Variants in NUDT4 observed in about 807,000 individuals in gnomAD.
NUDT4 encodes nudix hydrolase 4.
In NUDT4, 5 loss-of-function variants were observed where a neutral mutation model predicts 23.1. That is an observed-to-expected ratio of 0.22 (90% CI 0.11 to 0.46). The LOEUF (loss-of-function observed/expected upper bound fraction) is 0.46. NUDT4 is among the 20% of genes least tolerant of loss of function. The pLI is 0.99. For synonymous variants in NUDT4, 50 were observed against 79.0 expected (o/e 0.63, Z 1.95); for missense variants, 96 against 211.6 (o/e 0.45, Z 3.39).
In NUDT4 at chr12:93,383,827, G is replaced by A. The variant is rs571037602; in HGVS notation, c.99+5406G>A. Among the ~76,000 whole-genome samples the A allele has an allele frequency of 7.9e-5, 12 of 152,232 alleles. No individual in the cohort carries two copies. The East Asian group carries it at 1.2e-3, about 15-fold the overall frequency. ...AGCCTGGGCGACAGAGCGAGACAGC[G>A]TCTCAGAAACAGCAACAACAACAAA... On this transcript the variant is annotated intron_variant, in intron 1 of 4. Transcript: ENST00000415493.
At chr12:93,399,114 T>A in intron 4 of NUDT4, 63 bp from the exon 5 acceptor site, 1 of 1,220,246 alleles carries the variant, frequency 8.2e-7, no homozygotes, top group Non-Finnish European at 1.2e-6. Context: ...TAAGTGGACA[T>A]TACTTATATG....
At position 93,407,652 on chromosome 12, in the gene NUDT4, C is replaced by A. The variant is rs12816436; in HGVS notation, c.*8273C>A. 1.3e-4 allele frequency: 20 copies of A among 152,188 alleles called. No individual in the cohort carries two copies. Among genetic ancestry groups the A allele is most frequent in the African/African-American group, 4.6e-4 (19 of 41,504 alleles). The allele number at this position is 152,188 out of a possible 1,614,324, so 9.4% of individuals were successfully genotyped here. On this transcript the variant is annotated 3_prime_UTR_variant, in exon 5 of 5. Coordinates refer to ENST00000415493, the MANE Select transcript of NUDT4 (RefSeq NM_019094.6). ...ATCTTCAGATCATTCAAAAGTTACC[C>A]GAATTCTGGATTTTCATGCAAATCT...
At chr12:93,390,398 G>T (rs985427659) in intron 1 of NUDT4, among the ~76,000 whole-genome samples, 1 of 152,184 alleles carries the variant, frequency 6.6e-6, no homozygotes, top group African/African-American at 2.4e-5. Flanking sequence ...TGCCAGTCTT[G>T]ATAGAGGGCC....
rs964057364 is a variant in NUDT4 at position 93,405,944 on chromosome 12, A to G, written c.*6565A>G. 2 of 152,156 alleles carry G rather than the reference A, an allele frequency of 1.3e-5. No individual in the cohort carries two copies. The highest frequency in any genetic ancestry group is 4.8e-5 in the African/African-American group (2 of 41,442). 9.4% of individuals were successfully genotyped at this position (152,156 alleles called of 1,614,324 possible). A position where few individuals can be genotyped will look rare whatever the true frequency, so the allele number is the denominator to read the frequency against. ...TCTTTTTTGGCCAGCTTTTCTAGAT[A>G]AGGTTGTATTGCTACTGCAACTAAC... is the stretch of plus-strand genomic sequence containing the variant. On this transcript the variant is annotated 3_prime_UTR_variant, in exon 5 of 5. Transcript: ENST00000415493.
intron 1 of NUDT4, among the ~76,000 whole-genome samples, chr12:93,386,937 T>TTAG (rs199588354): frequency 0.019 from 2,837 of 152,144 alleles, 41 homozygotes; most frequent in Middle Eastern, 0.051. Flanking sequence ...TGATTTTTTT[T>TTAG]TATTATTATT....
chr12:93,404,326 A>T lies in NUDT4; in HGVS notation c.*4947A>T, dbSNP rs1472993719. The T allele has an allele frequency of 2.6e-5, 4 of 152,254 alleles. No individual in the cohort carries two copies. Among genetic ancestry groups the T allele is most frequent in the Non-Finnish European group, 4.4e-5 (3 of 68,048 alleles). 9.4% of individuals were successfully genotyped at this position (152,254 alleles called of 1,614,324 possible). On this transcript the variant is annotated 3_prime_UTR_variant, in exon 5 of 5. Coordinates refer to ENST00000415493, the MANE Select transcript of NUDT4 (RefSeq NM_019094.6). ...GGATTTGTAATGGTTAACTTGCAAT[A>T]TATCCATATGGTGTAATATTACAGT...
intron 3 of NUDT4, among the ~76,000 whole-genome samples, chr12:93,396,512 T>C (rs1320106250): frequency 6.6e-6 from 1 of 152,218 alleles, no homozygotes; most frequent in African/African-American, 2.4e-5. Context: ...ACAGCCTTTA[T>C]AGTAGAACCA....
At position 93,404,119 on chromosome 12, in the gene NUDT4, CAA is replaced by C. The variant is rs1877659380; in HGVS notation, c.*4742_*4743del. 6.6e-6 allele frequency: 1 copy of C among 152,184 alleles called. No homozygotes were observed. Among genetic ancestry groups the C allele is most frequent in the African/African-American group, 2.4e-5 (1 of 41,434 alleles). 9.4% of individuals were successfully genotyped at this position (152,184 alleles called of 1,614,324 possible). ...TTTCCTGCTTTTCTCAACTTTTCCT[CAA>C]ATTCATGTTAGTGAAGTACTTTCAT... On this transcript the variant is annotated 3_prime_UTR_variant, in exon 5 of 5. Transcript: ENST00000415493.
At position 93,382,674 on chromosome 12, in the gene NUDT4, C is replaced by CTTTTTTTTTTTTTTTTTT. The variant is rs11315217; in HGVS notation, c.99+4256_99+4273dup. Among the ~76,000 whole-genome samples the CTTTTTTTTTTTTTTTTTT allele has an allele frequency of 4.7e-4, 53 of 111,640 alleles. 4 individuals carry two copies. Among genetic ancestry groups the CTTTTTTTTTTTTTTTTTT allele is most frequent in the Admixed American group, 1.1e-3 (10 of 9,462 alleles). 73.2% of individuals were successfully genotyped at this position (111,640 alleles called of 152,430 possible). ...AAAATAAGTACTATCCAAAGGTAGC[C>CTTTTTTTTTTTTTTTTTT]TTTTTTTTTTTTTTTTTTTTGAGAC... is the stretch of plus-strand genomic sequence containing the variant. On this transcript the variant is annotated intron_variant, in intron 1 of 4. Transcript: ENST00000415493.
rs1565782351 is a variant in NUDT4, at chr12:93,395,564, A to G, written c.255+31A>G. 7 of 1,543,424 alleles carry G rather than the reference A, an allele frequency of 4.5e-6. No homozygotes were observed. In the South Asian group the frequency reaches 5.6e-5, roughly 12 times the overall value. On this transcript the variant is annotated intron_variant, in intron 3 of 4. Transcript: ENST00000415493. Reference sequence around the variant, plus strand: ...TTAAAAAGTAATCTTCACTTTGCTGATAATAGAATTAATGATTTCTTCCTA... The same window carrying G: ...TTAAAAAGTAATCTTCACTTTGCTGGTAATAGAATTAATGATTTCTTCCTA...
chr12:93,378,483 C>A, intron 1 of NUDT4, 62 bp downstream of exon 1: 4 of 1,426,360 alleles, frequency 2.8e-6, no homozygotes, highest in Non-Finnish European at 3.7e-6. Context: ...CCGGGTGCTT[C>A]CCCTCGCTCC....
intron 1 of NUDT4, among the ~76,000 whole-genome samples, chr12:93,391,546 T>C (rs1177532780): frequency 4.9e-5 from 7 of 143,538 alleles, no homozygotes; most frequent in South Asian, 2.2e-4. Context: ...GCCTGGATGA[T>C]AGGACGAGAC....
chr12:93,378,512 C>G, intron 1 of NUDT4, 91 bp downstream of exon 1: 1 of 1,350,152 alleles, frequency 7.4e-7, no homozygotes. Context: ...GCGCAGGCTG[C>G]GGGGCTGGGA....
intron 1 of NUDT4, among the ~76,000 whole-genome samples, chr12:93,392,006 C>T (rs1017795765): frequency 6.6e-6 from 1 of 151,892 alleles, no homozygotes; most frequent in Non-Finnish European, 1.5e-5. Context: ...GCCTCAGCCT[C>T]CTGAGTAGCT....
rs548860641 is a variant in NUDT4, at chr12:93,378,634, C to G, written c.99+213C>G. 3.2e-4 allele frequency: 382 copies of G among 1,208,010 alleles called. 3 individuals carry two copies. The highest frequency in any genetic ancestry group is 1.9e-3 in the Admixed American group (43 of 23,038). 74.8% of individuals were successfully genotyped at this position (1,208,010 alleles called of 1,614,324 possible). The stretch of plus-strand genomic sequence containing the variant: ...TGAGACAAAGGGGGCTCGCCCAGCC[C>G]CAGTTTCTCCATCTGGGCACTCGAG... On this transcript the variant is annotated intron_variant, in intron 1 of 4. Coordinates refer to ENST00000415493, the MANE Select transcript of NUDT4 (RefSeq NM_019094.6).
At chr12:93,379,746 A>G (rs985564274) in intron 1 of NUDT4, among the ~76,000 whole-genome samples, 4 of 152,238 alleles carry the variant, frequency 2.6e-5, no homozygotes, top group Admixed American at 2.6e-4. Context: ...GGGAAAGGTT[A>G]TTAACTTTTA....
At chr12:93,378,651 G>A in intron 1 of NUDT4, 3 of 1,192,868 alleles carry the variant, frequency 2.5e-6, no homozygotes, top group Non-Finnish European at 3.1e-6. Flanking sequence ...CTCCATCTGG[G>A]CACTCGAGAA....
chr12:93,396,617 A>T (rs909965648), intron 3 of NUDT4, among the ~76,000 whole-genome samples: 1 of 152,182 alleles, frequency 6.6e-6, no homozygotes, highest in Non-Finnish European at 1.5e-5. Flanking sequence ...GAATACAGTA[A>T]TTAAGAGTAA....
intron 1 of NUDT4, among the ~76,000 whole-genome samples, chr12:93,392,243 T>TTCCCCCC (rs1491364107): frequency 8.4e-6 from 1 of 118,386 alleles, no homozygotes; most frequent in African/African-American, 3.2e-5. Flanking sequence ...TTCCTTTGTT[T>TTCCCCCC]CCCCCCCCCC....
Sources: allele counts gnomAD v4.1 joint callset (sites outside exome capture counted in the v4.1 genomes callset), GRCh38; gene constraint gnomAD v4.1.1; transcripts MANE v1.5; gene names NCBI Gene and HGNC (gene_info 2026-07-23, HGNC 2026-07-21).